The following SELP variants were observed in gnomAD, a reference collection of about 807,000 sequenced individuals.
SELP encodes the protein P-selectin.
SELP carries 92 observed loss-of-function variants against 104.1 expected under a neutral mutation model. That is an observed-to-expected ratio of 0.88 (90% CI 0.75 to 1.05). The LOEUF (loss-of-function observed/expected upper bound fraction) is 1.05, where lower values mean the gene tolerates loss of function less well. Among genes scored for constraint, SELP ranks in the 50% least tolerant of loss-of-function variants. The pLI, the probability that SELP is intolerant of heterozygous loss-of-function variation, is 0.00. For missense variants in SELP, 1,022 were observed against 1,017.3 expected, an observed-to-expected ratio of 1.00 and a Z score of -0.06; for synonymous variants, 397 against 364.5, an observed-to-expected ratio of 1.09 and a Z score of -1.01.
chr1:169,616,879 T>G (rs940543777), intron 3 of SELP, 149 bp downstream of exon 3: 1 of 769,224 alleles, frequency 1.3e-6, no homozygotes, highest in Non-Finnish European at 2.0e-6. Context: ...TTCAAGGTGC[T>G]CAATAATACT....
In SELP at chr1:169,603,139, C is replaced by T. The variant is rs1054479538; in HGVS notation, c.1592G>A (p.Ser531Asn). The T allele has an allele frequency of 6.2e-7, 1 of 1,613,924 alleles. No individual in the cohort carries two copies. Among genetic ancestry groups the T allele is most frequent in the Non-Finnish European group, 8.5e-7 (1 of 1,179,984 alleles). ...GATGAATTGACATGTGGATTTATAA[C>T]TGGAACTTCCAAGAGGTTGAACACA... is the stretch of plus-strand genomic sequence containing the variant. ...MTCVQPLGSS[S>N]YKSTCQFICD... The change falls in exon 10 of 17, where the codon AGT (serine) becomes AAT (asparagine). Residue 531 changes from serine to asparagine, a missense_variant. Transcript: ENST00000263686.
chr1:169,612,651 T>G (rs1364666375), intron 5 of SELP, among the ~76,000 whole-genome samples: 2 of 152,158 alleles, frequency 1.3e-5, no homozygotes, highest in Admixed American at 6.5e-5. Context: ...TTGTACTCTG[T>G]TTACTTTACA....
At chr1:169,626,319 C>G (rs1169255162) in intron 1 of SELP, among the ~76,000 whole-genome samples, 1 of 152,192 alleles carries the variant, frequency 6.6e-6, no homozygotes. Context: ...CGGTGGCTCA[C>G]ATCTGTAATC....
intron 3 of SELP, 43 bp from the exon 4 acceptor site, chr1:169,613,736 T>C (rs1434256236): frequency 6.5e-7 from 1 of 1,538,068 alleles, no homozygotes; most frequent in Non-Finnish European, 9.0e-7. Context: ...CATTCACAGA[T>C]GTGAGGAAAG....
Position 169,609,701 on chromosome 1 carries a change from A to G in SELP, c.1148-12T>C. On this transcript the variant is annotated splice_polypyrimidine_tract_variant and intron_variant, in intron 7 of 16. Coordinates refer to ENST00000263686, the MANE Select transcript of SELP (RefSeq NM_003005.4). ...CTCACACGAAATAGCTAAGTGGAAA[A>G]GGTATCTTCTAAAGCCAGGTAATGG... is the stretch of plus-strand genomic sequence containing the variant. 1.2e-6 allele frequency: 2 copies of G among 1,602,380 alleles called. No homozygotes were observed. Among genetic ancestry groups the G allele is most frequent in the Non-Finnish European group, 1.7e-6 (2 of 1,173,868 alleles).
Position 169,624,751 on chromosome 1 carries a change from A to G in SELP, c.3+5321T>C, listed in dbSNP as rs528702447. Among the ~76,000 whole-genome samples the G allele has an allele frequency of 1.0e-3, 158 of 152,258 alleles. 5 individuals carry two copies. The South Asian group carries it at 0.03, about 29-fold the overall frequency. ...AGACTCTTTCTCAAAAAACAAAACA[A>G]ACAAACAAGCAAAAAAACTAATAAT... is the stretch of plus-strand genomic sequence containing the variant. On this transcript the variant is annotated intron_variant, in intron 1 of 16. Coordinates refer to ENST00000263686, the MANE Select transcript of SELP (RefSeq NM_003005.4).
intron 2 of SELP, 144 bp downstream of exon 2, chr1:169,618,985 G>T: frequency 3.3e-6 from 2 of 612,902 alleles, no homozygotes; most frequent in Non-Finnish European, 2.9e-6. Flanking sequence ...ATGGCGTTGG[G>T]TACATTTGTC....
chr1:169,612,808 G>A (rs76909302), intron 5 of SELP, 121 bp downstream of exon 5: 91 of 801,006 alleles, frequency 1.1e-4, no homozygotes, highest in Non-Finnish European at 1.7e-4. Flanking sequence ...GATAACCAGA[G>A]TTTTCCATCT....
chr1:169,611,713 T>C, intron 6 of SELP, 36 bp from the exon 7 acceptor site: 3 of 1,582,232 alleles, frequency 1.9e-6, no homozygotes, highest in Non-Finnish European at 2.6e-6. Context: ...AGAAAGATAC[T>C]GAGAAAGGAG....
chr1:169,598,169 T>C (rs1661725669), intron 10 of SELP, among the ~76,000 whole-genome samples: 1 of 152,254 alleles, frequency 6.6e-6, no homozygotes, highest in Non-Finnish European at 1.5e-5. Flanking sequence ...TTTTACAAAT[T>C]ATTGCAGTTA....
At position 169,616,967 on chromosome 1, in the gene SELP, A is replaced by G. The variant is rs1031131220; in HGVS notation, c.481+61T>C. 10 of 1,352,684 alleles carry G rather than the reference A, an allele frequency of 7.4e-6. No homozygotes were observed. The African/African-American group carries it at 1.1e-4, about 14-fold the overall frequency. 83.8% of individuals were successfully genotyped at this position (1,352,684 alleles called of 1,614,324 possible). A position where few individuals can be genotyped will look rare whatever the true frequency, so the allele number is the denominator to read the frequency against. On this transcript the variant is annotated intron_variant, in intron 3 of 16. Coordinates refer to ENST00000263686, the MANE Select transcript of SELP (RefSeq NM_003005.4). ...GTTGACTCGGTGGTTATGTTGGCCA[A>G]CCAGAGAAGGCAGGGTTTTTTTTTT...
intron 1 of SELP, among the ~76,000 whole-genome samples, chr1:169,624,234 G>T (rs1356582066): frequency 6.6e-6 from 1 of 152,154 alleles, no homozygotes; most frequent in Non-Finnish European, 1.5e-5. Flanking sequence ...ATTATAGTCT[G>T]CAGGATGCTG....
At chr1:169,602,907 A>T in intron 10 of SELP, 119 bp downstream of exon 10, 1 of 688,820 alleles carries the variant, frequency 1.5e-6, no homozygotes, top group Non-Finnish European at 2.3e-6. Context: ...CTAGATTACC[A>T]TTGTTGTGGA....
At chr1:169,616,242 G>T (rs1662804074) in intron 3 of SELP, among the ~76,000 whole-genome samples, 1 of 152,140 alleles carries the variant, frequency 6.6e-6, no homozygotes, top group Admixed American at 6.5e-5. Flanking sequence ...AAGATATGTT[G>T]TTGTTGAAGA....
intron 1 of SELP, among the ~76,000 whole-genome samples, chr1:169,624,315 G>T (rs1442375476): frequency 6.6e-6 from 1 of 152,194 alleles, no homozygotes; most frequent in African/African-American, 2.4e-5. Flanking sequence ...GCATCCACAT[G>T]CTCTGCTAGT....
chr1:169,611,424 C>T, intron 7 of SELP, 68 bp downstream of exon 7: 2 of 1,507,824 alleles, frequency 1.3e-6, no homozygotes, highest in Non-Finnish European at 9.1e-7. Context: ...CACTGAGAGC[C>T]CTTGGCCTCT....
intron 14 of SELP, 44 bp from the exon 15 acceptor site, chr1:169,591,500 A>AAACAAGATG: frequency 1.4e-6 from 2 of 1,455,314 alleles, no homozygotes; most frequent in Non-Finnish European, 1.9e-6. Flanking sequence ...AAAAAAAAAA[A>AAACAAGATG]ACAAGATGAA....
chr1:169,600,679 G>A (rs1661862298), intron 10 of SELP, among the ~76,000 whole-genome samples: 1 of 152,174 alleles, frequency 6.6e-6, no homozygotes. Flanking sequence ...ATGTATCCTA[G>A]AACTCTGCAA....
chr1:169,591,413 A>T lies in SELP; in HGVS notation c.2438+13T>A. Reference sequence around the variant, plus strand: ...AGCAAAATTTACTCAATCATAAAACATTTCTACCTTACCTGTGAGGATTCA... The same window carrying T: ...AGCAAAATTTACTCAATCATAAAACTTTTCTACCTTACCTGTGAGGATTCA... On this transcript the variant is annotated intron_variant, in intron 15 of 16. Coordinates refer to ENST00000263686, the MANE Select transcript of SELP (RefSeq NM_003005.4). 6.4e-7 allele frequency: 1 copy of T among 1,573,486 alleles called. No individual in the cohort carries two copies. Among genetic ancestry groups the T allele is most frequent in the Non-Finnish European group, 8.7e-7 (1 of 1,155,508 alleles).
Sources: allele counts gnomAD v4.1 joint callset (sites outside exome capture counted in the v4.1 genomes callset), GRCh38; gene constraint gnomAD v4.1.1; transcripts MANE v1.5; gene names NCBI Gene and HGNC (gene_info 2026-07-23, HGNC 2026-07-21).